PLEKHG7: variants seen among roughly 807,000 people sequenced by gnomAD.
PLEKHG7 encodes pleckstrin homology domain-containing family G member 7.
A neutral mutation model predicts 85.2 loss-of-function variants in PLEKHG7; 77 were observed. The ratio of observed to expected loss-of-function variants is 0.90; its 90% CI spans 0.75 to 1.09. The LOEUF (loss-of-function observed/expected upper bound fraction) is 1.09. Among genes scored for constraint, PLEKHG7 ranks in the 50% least tolerant of loss-of-function variants. The pLI is 0.00. For missense variants in PLEKHG7, 777 were observed against 804.3 expected, an observed-to-expected ratio of 0.97 and a Z score of 0.41; for synonymous variants, 301 against 302.4, an observed-to-expected ratio of 1.00 and a Z score of 0.05.
chr12:92,735,612 A>G (rs948146008), intron 5 of PLEKHG7, among the ~76,000 whole-genome samples: 9 of 152,236 alleles, frequency 5.9e-5, no homozygotes, highest in African/African-American at 2.2e-4. Flanking sequence ...TTGTTATTTG[A>G]TAGCTTCTTC....
chr12:92,745,265 T>C (rs937229022), intron 9 of PLEKHG7, among the ~76,000 whole-genome samples: 2 of 152,036 alleles, frequency 1.3e-5, no homozygotes, highest in African/African-American at 4.8e-5. Context: ...AGGTGTCAAC[T>C]GTTTATTATG....
At chr12:92,724,121 G>T (rs12305359) in intron 3 of PLEKHG7, among the ~76,000 whole-genome samples, 2,688 of 152,086 alleles carry the variant, frequency 0.018, 96 homozygotes, top group African/African-American at 0.061. Context: ...TCTCTTCAGG[G>T]TCTTCTTTTT....
intron 3 of PLEKHG7, among the ~76,000 whole-genome samples, chr12:92,714,985 TAGTC>T (rs1195200487): frequency 6.6e-6 from 1 of 151,960 alleles, no homozygotes; most frequent in Non-Finnish European, 1.5e-5. Flanking sequence ...AAATCTGTAT[TAGTC>T]AGAGTTCTCT....
At chr12:92,704,301 G>A (rs1242900250) in intron 1 of PLEKHG7, among the ~76,000 whole-genome samples, 1 of 152,030 alleles carries the variant, frequency 6.6e-6, no homozygotes, top group African/African-American at 2.4e-5. Context: ...CTATAGATTT[G>A]ATGCTCAGCT....
At chr12:92,719,249 A>G (rs1440210152) in intron 3 of PLEKHG7, among the ~76,000 whole-genome samples, 1 of 152,260 alleles carries the variant, frequency 6.6e-6, no homozygotes, top group Non-Finnish European at 1.5e-5. Context: ...ATTATTTTAA[A>G]AAGAGATTTT....
At chr12:92,758,665 A>G (rs1349419131) in intron 13 of PLEKHG7, among the ~76,000 whole-genome samples, 1 of 152,248 alleles carries the variant, frequency 6.6e-6, no homozygotes, top group Non-Finnish European at 1.5e-5. Flanking sequence ...ATGTGGTAGT[A>G]TGGACATGAA....
chr12:92,707,725 A>G (rs778404523), intron 3 of PLEKHG7, 53 bp downstream of exon 3: 6 of 1,612,444 alleles, frequency 3.7e-6, no homozygotes, highest in Non-Finnish European at 5.1e-6. Context: ...ACTATTTACT[A>G]TTAGATTTTT....
At chr12:92,726,833 A>T (rs1179892994) in intron 3 of PLEKHG7, among the ~76,000 whole-genome samples, 3 of 152,152 alleles carry the variant, frequency 2.0e-5, no homozygotes, top group African/African-American at 7.2e-5. Flanking sequence ...CTTTTCTAAC[A>T]CTATTTCTCA....
chr12:92,758,086 A>G (rs1359250504), intron 13 of PLEKHG7, among the ~76,000 whole-genome samples: 1 of 152,220 alleles, frequency 6.6e-6, no homozygotes, highest in Non-Finnish European at 1.5e-5. Flanking sequence ...TACAACTTCA[A>G]AGTAATTATA....
chr12:92,721,605 G>A (rs1871644503), intron 3 of PLEKHG7: 1 of 1,088,046 alleles, frequency 9.2e-7, no homozygotes, highest in African/African-American at 1.7e-5. Flanking sequence ...TCCTGCTCTA[G>A]AGAGCTGCAA....
At chr12:92,710,258 C>G (rs1479115779) in intron 3 of PLEKHG7, among the ~76,000 whole-genome samples, 3 of 152,176 alleles carry the variant, frequency 2.0e-5, no homozygotes, top group African/African-American at 4.8e-5. Flanking sequence ...AAAACTTTGT[C>G]CCAGCCCTGC....
chr12:92,743,588 C>T (rs1207831580), intron 9 of PLEKHG7, among the ~76,000 whole-genome samples: 1 of 152,092 alleles, frequency 6.6e-6, no homozygotes. Flanking sequence ...TGATCAGAGT[C>T]TTGCTCTGTC....
At position 92,737,358 on chromosome 12, in the gene PLEKHG7, T is replaced by A; in HGVS notation, c.796-20T>A. On this transcript the variant is annotated intron_variant, in intron 6 of 16. Transcript: ENST00000344636. ...ACTGAGGTGGAAATGTTTTGTTCTC[T>A]CTTTTTCCCTCATGTACAGGATAAG... 1 of 1,404,120 alleles carries A rather than the reference T, an allele frequency of 7.1e-7. No homozygotes were observed. Among genetic ancestry groups the A allele is most frequent in the African/African-American group, 1.5e-5 (1 of 68,038 alleles). 87.0% of individuals were successfully genotyped at this position (1,404,120 alleles called of 1,614,324 possible).
chr12:92,756,068 G>T lies in PLEKHG7; in HGVS notation c.1542+128G>T, dbSNP rs145526455. The T allele has an allele frequency of 1.5e-4, 112 of 751,170 alleles. No individual in the cohort carries two copies. The African/African-American group carries it at 1.8e-3, about 12-fold the overall frequency. 46.5% of individuals were successfully genotyped at this position (751,170 alleles called of 1,614,324 possible). On this transcript the variant is annotated intron_variant, in intron 12 of 16. Transcript: ENST00000344636. ...ATAAATCTAGTTTCATGAACAAGAA[G>T]TAAAGTCTTCATCTGTAGGGCATTG...
chr12:92,733,678 C>A (rs545213723), intron 5 of PLEKHG7, among the ~76,000 whole-genome samples: 1 of 152,268 alleles, frequency 6.6e-6, no homozygotes, highest in Non-Finnish European at 1.5e-5. Context: ...GCATCTCCCC[C>A]CTAGCCCTCC....
chr12:92,722,079 C>A (rs866641328), intron 3 of PLEKHG7, among the ~76,000 whole-genome samples: 5 of 151,122 alleles, frequency 3.3e-5, no homozygotes, highest in Middle Eastern at 3.4e-3. Flanking sequence ...AAAAAAAAAA[C>A]CCTAATATTT....
intron 4 of PLEKHG7, among the ~76,000 whole-genome samples, chr12:92,731,063 T>C (rs540319304): frequency 2.0e-5 from 3 of 152,286 alleles, no homozygotes; most frequent in African/African-American, 7.2e-5. Flanking sequence ...TAATGAAAGA[T>C]TGTGGATTCA....
chr12:92,720,707 A>G (rs114785292), intron 3 of PLEKHG7, among the ~76,000 whole-genome samples: 2,817 of 152,288 alleles, frequency 0.018, 72 homozygotes, highest in African/African-American at 0.065. Context: ...TCTCTAGATC[A>G]TTAATTTAAT....
rs1434329709 is a variant in PLEKHG7 at position 92,770,662 on chromosome 12, A to G, written c.*467A>G. 1.3e-5 allele frequency: 2 copies of G among 152,716 alleles called. No homozygotes were observed. The highest frequency in any genetic ancestry group is 2.4e-5 in the African/African-American group (1 of 41,454). The allele number at this position is 152,716 out of a possible 1,614,324, so 9.5% of individuals were successfully genotyped here. ...AGTCCTACCTCAAACATAATGATAAATCTTTAGATACAAAGCTTGATTGTT... is the reference window on the plus strand; with the variant it reads ...AGTCCTACCTCAAACATAATGATAAGTCTTTAGATACAAAGCTTGATTGTT... On this transcript the variant is annotated 3_prime_UTR_variant, in exon 17 of 17. Coordinates refer to ENST00000344636, the MANE Select transcript of PLEKHG7 (RefSeq NM_001377329.1).
Sources: allele counts gnomAD v4.1 joint callset (sites outside exome capture counted in the v4.1 genomes callset), GRCh38; gene constraint gnomAD v4.1.1; transcripts MANE v1.5; gene names NCBI Gene and HGNC (gene_info 2026-07-23, HGNC 2026-07-21).